Variants in PCDHGB2 observed in about 807,000 individuals in gnomAD.
The protein encoded by PCDHGB2 is protocadherin gamma subfamily B, 2.
PCDHGB2 carries 55 observed loss-of-function variants against 59.3 expected under a neutral mutation model. The observed-to-expected ratio is 0.93, with a 90% CI of 0.75 to 1.16. The LOEUF is 1.16. PCDHGB2 is among the 50% of genes most tolerant of loss of function. The probability of loss-of-function intolerance (pLI) is 0.00; values close to 1 mark genes in which losing one functional copy is unlikely to be tolerated. For missense variants in PCDHGB2, 1,228 were observed against 1,198.5 expected, an observed-to-expected ratio of 1.02 and a Z score of -0.36; for synonymous variants, 516 against 512.0, an observed-to-expected ratio of 1.01 and a Z score of -0.11.
intron 1 of PCDHGB2, chr5:141,475,983 C>A: frequency 9.5e-7 from 1 of 1,049,244 alleles, no homozygotes; most frequent in Non-Finnish European, 1.4e-6. Context: ...GAACAGCCGG[C>A]GAGCAAATCA....
chr5:141,373,942 G>C, intron 1 of PCDHGB2: 1 of 734,326 alleles, frequency 1.4e-6, no homozygotes, highest in African/African-American at 1.8e-5. Context: ...CAGGAAAGCT[G>C]TGCAGAAATT....
intron 1 of PCDHGB2, chr5:141,423,382 C>A (rs1244632347): frequency 6.2e-7 from 1 of 1,614,118 alleles, no homozygotes; most frequent in Admixed American, 1.7e-5. Context: ...CAGGCTGTGG[C>A]GCTGGCATAA....
chr5:141,463,359 T>C (rs2099057442), intron 1 of PCDHGB2, among the ~76,000 whole-genome samples: 2 of 151,672 alleles, frequency 1.3e-5, no homozygotes, highest in Admixed American at 6.6e-5. Flanking sequence ...GGATTTCCCC[T>C]TTCCTGCCCC....
intron 1 of PCDHGB2, chr5:141,410,288 T>G: frequency 6.2e-7 from 1 of 1,614,044 alleles, no homozygotes; most frequent in Non-Finnish European, 8.5e-7. Context: ...GGTGGTGGCC[T>G]TGGCCTTAAT....
intron 1 of PCDHGB2, among the ~76,000 whole-genome samples, chr5:141,468,246 A>G (rs2099161183): frequency 6.7e-6 from 1 of 149,754 alleles, no homozygotes; most frequent in South Asian, 2.1e-4. Context: ...AATTGCCTGA[A>G]CCTGGGAGGC....
intron 1 of PCDHGB2, chr5:141,376,827 C>T (rs954435109): frequency 2.9e-5 from 8 of 271,594 alleles, no homozygotes; most frequent in Middle Eastern, 1.2e-3. Flanking sequence ...GCTGGGACTA[C>T]AGGCGCCCGC....
At chr5:141,421,370 A>G (rs765775416) in intron 1 of PCDHGB2, 4 of 1,613,916 alleles carry the variant, frequency 2.5e-6, no homozygotes, top group African/African-American at 1.3e-5. Flanking sequence ...TTCGTGGGCA[A>G]TATCTCCAAG....
chr5:141,361,949 C>T lies in PCDHGB2; in HGVS notation c.1814C>T (p.Ser605Phe). 6.2e-7 allele frequency: 1 copy of T among 1,604,150 alleles called. No homozygotes were observed. The highest frequency in any genetic ancestry group is 8.5e-7 in the Non-Finnish European group (1 of 1,177,392). ...GACTCAGGACACAACGCTTGGCTGTCCTACCACGTGCTGCAGGCCAGCGAG... is the reference window on the plus strand; with the variant it reads ...GACTCAGGACACAACGCTTGGCTGTTCTACCACGTGCTGCAGGCCAGCGAG... ...DADSGHNAWL[S>F]YHVLQASEPG... The change falls in exon 1 of 4, where the codon TCC becomes TTC. Residue 605 changes from serine (S) to phenylalanine (F), a missense_variant. Physicochemically the swap from Ser to Phe is radical, Grantham distance 155 (BLOSUM62 -2). Around this residue, in one of 3 missense-constraint regions of PCDHGB2, gnomAD observed 433 missense variants for 441.8 expected, o/e 0.98. Coordinates refer to ENST00000522605, the MANE Select transcript of PCDHGB2 (RefSeq NM_018923.3).
chr5:141,448,639 T>A (rs1248697237), intron 1 of PCDHGB2, among the ~76,000 whole-genome samples: 1 of 152,148 alleles, frequency 6.6e-6, no homozygotes, highest in Admixed American at 6.6e-5. Flanking sequence ...CATTATATCC[T>A]TTAAAAATAT....
In PCDHGB2 at chr5:141,511,352, C is replaced by A. The variant is rs2099883742; in HGVS notation, c.*179C>A. The A allele has an allele frequency of 3.6e-6, 5 of 1,381,248 alleles. No homozygotes were observed. The highest frequency in any genetic ancestry group is 2.7e-4 in the Middle Eastern group (1 of 3,772). 85.6% of individuals were successfully genotyped at this position (1,381,248 alleles called of 1,614,324 possible). ...CAGTCAGCACCTACCCCTTCCCCCCCAGGGGGTTGAATATGCAAAAGCAGT... is the reference window on the plus strand; with the variant it reads ...CAGTCAGCACCTACCCCTTCCCCCCAAGGGGGTTGAATATGCAAAAGCAGT... On this transcript the variant is annotated 3_prime_UTR_variant, in exon 4 of 4. Coordinates refer to ENST00000522605, the MANE Select transcript of PCDHGB2 (RefSeq NM_018923.3).
chr5:141,365,181 A>T lies in PCDHGB2; in HGVS notation c.2421+2625A>T, dbSNP rs549713754. ...AAATTGACCTACTCTTTTCGCAATG[A>T]AGAAGAAAAAATTTCGGAGACTTTC... On this transcript the variant is annotated intron_variant, in intron 1 of 3. Transcript: ENST00000522605. The T allele has an allele frequency of 3.0e-5, 48 of 1,613,864 alleles. No homozygotes were observed. The East Asian group carries it at 1.0e-3, about 35-fold the overall frequency.
At chr5:141,376,679 T>TTTTTG in intron 1 of PCDHGB2, 5 of 528,402 alleles carry the variant, frequency 9.5e-6, no homozygotes, top group Admixed American at 9.3e-5. Context: ...GGGTATCGTT[T>TTTTTG]TTTTTTTTTT....
In PCDHGB2 at chr5:141,365,854, C is replaced by G. The variant is rs570866859; in HGVS notation, c.2421+3298C>G. On this transcript the variant is annotated intron_variant, in intron 1 of 3. Transcript: ENST00000522605. ...CCTTGTCCTCCTATGTATCCATTAA[C>G]TCTGACACCGGTGTCCTGTATGCTC... 17 of 1,614,060 alleles carry G rather than the reference C, an allele frequency of 1.1e-5. 1 individual carries two copies. In the South Asian group the frequency reaches 1.8e-4, roughly 17 times the overall value.
intron 1 of PCDHGB2, chr5:141,414,187 T>A: frequency 6.2e-7 from 1 of 1,609,834 alleles, no homozygotes; most frequent in South Asian, 1.1e-5. Flanking sequence ...TGCAAAAGTG[T>A]TGATTACAGT....
chr5:141,404,315 G>A lies in PCDHGB2; in HGVS notation c.2421+41759G>A, dbSNP rs775576610. The A allele has an allele frequency of 9.7e-5, 157 of 1,613,768 alleles. No individual in the cohort carries two copies. Among genetic ancestry groups the A allele is most frequent in the South Asian group, 4.1e-4 (37 of 91,078 alleles). On this transcript the variant is annotated intron_variant, in intron 1 of 3. Transcript: ENST00000522605. Reference sequence around the variant, plus strand: ...TGATAATCCACCTGCTTTCTCTCAAGCCTCCTACTCAGTCTACCTCCCGGA... The same window carrying A: ...TGATAATCCACCTGCTTTCTCTCAAACCTCCTACTCAGTCTACCTCCCGGA...
In PCDHGB2 at chr5:141,418,814, A is replaced by G. The variant is rs2096290321; in HGVS notation, c.2421+56258A>G. ...AGAAGTAGAAAGATATACGATAAACATAGAAGCAAAAGACCGAGGATCTCT... is the reference window on the plus strand; with the variant it reads ...AGAAGTAGAAAGATATACGATAAACGTAGAAGCAAAAGACCGAGGATCTCT... On this transcript the variant is annotated intron_variant, in intron 1 of 3. Transcript: ENST00000522605. The G allele has an allele frequency of 6.2e-7, 1 of 1,613,962 alleles. No individual in the cohort carries two copies.
intron 1 of PCDHGB2, chr5:141,400,053 G>C: frequency 6.2e-7 from 1 of 1,613,736 alleles, no homozygotes; most frequent in Non-Finnish European, 8.5e-7. Flanking sequence ...TGGTTGCTGT[G>C]CGTGATGGTG....
rs757707945 is a variant in PCDHGB2 at position 141,399,045 on chromosome 5, A to C, written c.2421+36489A>C. On this transcript the variant is annotated intron_variant, in intron 1 of 3. Coordinates refer to ENST00000522605, the MANE Select transcript of PCDHGB2 (RefSeq NM_018923.3). ...CCACTCAAAAGAAACTGGATTTTGAAGAGACCAAGGAATATTCAATGGTTG... is the reference window on the plus strand; with the variant it reads ...CCACTCAAAAGAAACTGGATTTTGACGAGACCAAGGAATATTCAATGGTTG... The C allele has an allele frequency of 3.1e-6, 5 of 1,613,878 alleles. No individual in the cohort carries two copies. The Admixed American group carries it at 5.0e-5, about 16-fold the overall frequency.
intron 1 of PCDHGB2, among the ~76,000 whole-genome samples, chr5:141,456,745 A>T (rs573105679): frequency 6.6e-6 from 1 of 151,920 alleles, no homozygotes; most frequent in South Asian, 2.1e-4. Context: ...CGGGAGCATC[A>T]TGAGGTCAGG....
Sources: allele counts gnomAD v4.1 joint callset (sites outside exome capture counted in the v4.1 genomes callset), GRCh38; gene constraint gnomAD v4.1.1; regional missense constraint gnomAD v4.1.1; transcripts MANE v1.5; gene names NCBI Gene and HGNC (gene_info 2026-07-23, HGNC 2026-07-21).